Variants in FARP1 observed in about 807,000 individuals in gnomAD.
FARP1 encodes FERM, ARHGEF and pleckstrin domain-containing protein 1.
FARP1 carries 52 observed loss-of-function variants against 128.8 expected under a neutral mutation model. The observed-to-expected ratio is 0.40, with a 90% CI of 0.32 to 0.51. FARP1 has a LOEUF of 0.51. Ranked by LOEUF, FARP1 falls within the 20% of genes least tolerant of loss-of-function variation. FARP1 has a pLI of 0.45. For synonymous variants in FARP1, 580 were observed against 551.8 expected, an observed-to-expected ratio of 1.05 and a Z score of -0.72; for missense variants, 1,333 against 1,367.9, an observed-to-expected ratio of 0.97 and a Z score of 0.40.
chr13:98,205,536 GTGCCCACCACCA>G (rs1880216322), intron 1 of FARP1, among the ~76,000 whole-genome samples: 2 of 152,080 alleles, frequency 1.3e-5, no homozygotes, highest in South Asian at 4.2e-4. Context: ...GGGACTTCAG[GTGCCCACCACCA>G]TGCCCGGCTA....
At chr13:98,260,624 C>G (rs77130737) in intron 2 of FARP1, among the ~76,000 whole-genome samples, 1 of 152,232 alleles carries the variant, frequency 6.6e-6, no homozygotes, top group Non-Finnish European at 1.5e-5. Context: ...TGCCCACACA[C>G]TCTTCACTCT....
intron 2 of FARP1, chr13:98,329,490 C>T (rs1887392833): frequency 6.6e-6 from 1 of 152,186 alleles, no homozygotes; most frequent in Non-Finnish European, 1.5e-5. Flanking sequence ...GGCGAAACCC[C>T]ATCTCTACTA....
At chr13:98,373,007 G>T (rs1158535217) in intron 5 of FARP1, among the ~76,000 whole-genome samples, 1 of 152,178 alleles carries the variant, frequency 6.6e-6, no homozygotes, top group African/African-American at 2.4e-5. Context: ...TACAGCTCAT[G>T]GTAAGAAAAG....
At chr13:98,296,089 G>C (rs1885671954) in intron 2 of FARP1, among the ~76,000 whole-genome samples, 1 of 152,118 alleles carries the variant, frequency 6.6e-6, no homozygotes, top group African/African-American at 2.4e-5. Context: ...CAGAGCTTTG[G>C]GGATGAGACC....
intron 2 of FARP1, among the ~76,000 whole-genome samples, chr13:98,286,252 A>G (rs752351892): frequency 6.6e-6 from 1 of 151,988 alleles, no homozygotes; most frequent in African/African-American, 2.4e-5. Context: ...CTCCTTCCTG[A>G]GCACAAGCCT....
chr13:98,398,281 T>G (rs1890632378), intron 13 of FARP1: 1 of 152,238 alleles, frequency 6.6e-6, no homozygotes, highest in Admixed American at 6.5e-5. Context: ...TTGGATCGTT[T>G]GAGAGTTGTT....
At chr13:98,288,130 T>A (rs533753515) in intron 2 of FARP1, among the ~76,000 whole-genome samples, 2 of 152,224 alleles carry the variant, frequency 1.3e-5, no homozygotes, top group East Asian at 3.9e-4. Context: ...TAGGAATACA[T>A]GGGTGAACAA....
chr13:98,142,939 C>T (rs1187562856), upstream of FARP1, among the ~76,000 whole-genome samples: 3 of 150,496 alleles, frequency 2.0e-5, no homozygotes, highest in Admixed American at 6.6e-5. Context: ...CGCACCTGCC[C>T]GGGCGGAGCG....
chr13:98,342,681 C>G (rs1888020154), intron 2 of FARP1, among the ~76,000 whole-genome samples: 1 of 147,954 alleles, frequency 6.8e-6, no homozygotes, highest in African/African-American at 2.5e-5. Context: ...GCCTGAGTGA[C>G]AAAAGCAAGA....
intron 13 of FARP1, among the ~76,000 whole-genome samples, chr13:98,408,731 G>C (rs571392787): frequency 9.7e-4 from 148 of 152,292 alleles, no homozygotes; most frequent in African/African-American, 3.4e-3. Flanking sequence ...GTCTGCTTTT[G>C]CATGTTGAAG....
At chr13:98,329,791 C>T (rs1319648339) in intron 2 of FARP1, 1 of 152,118 alleles carries the variant, frequency 6.6e-6, no homozygotes, top group Admixed American at 6.5e-5. Context: ...ATTCATTCAG[C>T]AAATCTTTAT....
chr13:98,252,834 G>A (rs1024763133), intron 2 of FARP1, among the ~76,000 whole-genome samples: 5 of 152,110 alleles, frequency 3.3e-5, no homozygotes, highest in Admixed American at 1.3e-4. Flanking sequence ...AGTGAGCCCC[G>A]GTGATCATGT....
chr13:98,373,545 C>G lies in FARP1; in HGVS notation c.399-4276C>G, dbSNP rs1318923818. ...AGACAGACAGACAGACACACACACA[C>G]ACACACACACACACACACACACACA... On this transcript the variant is annotated intron_variant, in intron 5 of 26. Coordinates refer to ENST00000319562, the MANE Select transcript of FARP1 (RefSeq NM_005766.4). Among the ~76,000 whole-genome samples the G allele has an allele frequency of 1.0e-3, 150 of 148,674 alleles. 1 individual carries two copies. The highest frequency in any genetic ancestry group is 3.1e-3 in the African/African-American group (122 of 39,660).
In FARP1 at chr13:98,179,317, C is replaced by A. The variant is rs186718291; in HGVS notation, c.-23-33903C>A. ...AAGAACAGTATGGGGGAAACTGCCC[C>A]CATGATTCAGTTATCTCTGGTAACT... On this transcript the variant is annotated intron_variant, in intron 1 of 26. Coordinates refer to ENST00000319562, the MANE Select transcript of FARP1 (RefSeq NM_005766.4). 2.4e-3 allele frequency among the ~76,000 whole-genome samples: 362 copies of A among 152,242 alleles called. 1 individual carries two copies. In the Middle Eastern group the frequency reaches 0.024, roughly 10 times the overall value.
At chr13:98,291,599 G>A (rs141264978) in intron 2 of FARP1, among the ~76,000 whole-genome samples, 27 of 152,264 alleles carry the variant, frequency 1.8e-4, no homozygotes, top group Non-Finnish European at 2.8e-4. Context: ...TTCTGCCAGC[G>A]GGTATATCCC....
At chr13:98,336,682 C>G (rs1448454983) in intron 2 of FARP1, among the ~76,000 whole-genome samples, 1 of 152,184 alleles carries the variant, frequency 6.6e-6, no homozygotes, top group Non-Finnish European at 1.5e-5. Context: ...GCGTACTTGC[C>G]AGGCTTTCCC....
At chr13:98,272,177 C>T (rs1174561593) in intron 2 of FARP1, among the ~76,000 whole-genome samples, 4 of 152,020 alleles carry the variant, frequency 2.6e-5, no homozygotes, top group South Asian at 2.1e-4. Flanking sequence ...TTATAGGCGC[C>T]TCCCACCACG....
At position 98,379,093 on chromosome 13, in the gene FARP1, AATAT is replaced by A. The variant is rs1274111347; in HGVS notation, c.496+1183_496+1186del. ...TATATGTAATATGTAATCTATATATAATATATATATAATATATAATCTATATATA... is the reference window on the plus strand; with the variant it reads ...TATATGTAATATGTAATCTATATATAATATATAATATATAATCTATATATA... On this transcript the variant is annotated intron_variant, in intron 6 of 26. Transcript: ENST00000319562. Among the ~76,000 whole-genome samples the A allele has an allele frequency of 2.9e-4, 24 of 82,602 alleles. 7 individuals carry two copies. Among genetic ancestry groups the A allele is most frequent in the Middle Eastern group, 9.6e-3 (2 of 208 alleles). 54.2% of individuals were successfully genotyped at this position (82,602 alleles called of 152,430 possible).
rs141427778 is a variant in FARP1, at chr13:98,219,965, A to G, written c.171+6552A>G. Among the ~76,000 whole-genome samples the G allele has an allele frequency of 4.3e-4, 66 of 152,234 alleles. 3 individuals are homozygous for G. The East Asian group carries it at 0.013, about 29-fold the overall frequency. ...ATTGCAGGCATGAGCTACTGTGCCC[A>G]GCCTGTTTTCCTTCTTAATTTCTCT... On this transcript the variant is annotated intron_variant, in intron 2 of 26. Coordinates refer to ENST00000319562, the MANE Select transcript of FARP1 (RefSeq NM_005766.4).
Sources: allele counts gnomAD v4.1 joint callset (sites outside exome capture counted in the v4.1 genomes callset), GRCh38; gene constraint gnomAD v4.1.1; transcripts MANE v1.5; gene names NCBI Gene and HGNC (gene_info 2026-07-23, HGNC 2026-07-21).